CCDC38: variants seen among roughly 807,000 people sequenced by gnomAD.
CCDC38 encodes the protein coiled-coil domain containing 38.
In CCDC38, 69 loss-of-function variants were observed where a neutral mutation model predicts 72.8. The ratio of observed to expected loss-of-function variants is 0.95; its 90% confidence interval spans 0.78 to 1.16. CCDC38 has a LOEUF of 1.16. CCDC38 is among the 50% of genes most tolerant of loss of function. The probability of loss-of-function intolerance (pLI) is 0.00; values close to 1 mark genes in which losing one functional copy is unlikely to be tolerated. For missense variants in CCDC38, 626 were observed against 638.9 expected (o/e 0.98, Z 0.22); for synonymous variants, 201 against 213.2 (o/e 0.94, Z 0.50).
chr12:95,907,435 G>A (rs1472379711), intron 4 of CCDC38, among the ~76,000 whole-genome samples: 2 of 124,930 alleles, frequency 1.6e-5, no homozygotes, highest in African/African-American at 7.3e-5. Flanking sequence ...CGGACGGGGC[G>A]GCTGGCCGGG....
intron 7 of CCDC38, among the ~76,000 whole-genome samples, chr12:95,897,999 G>A (rs1048804354): frequency 1.3e-5 from 2 of 152,142 alleles, no homozygotes; most frequent in Admixed American, 1.3e-4. Flanking sequence ...TTTCAGAGAT[G>A]TTAAAATGTG....
At chr12:95,884,733 T>C (rs1407036246) in intron 10 of CCDC38, among the ~76,000 whole-genome samples, 2 of 152,238 alleles carry the variant, frequency 1.3e-5, no homozygotes, top group Non-Finnish European at 2.9e-5. Context: ...TCAATCTCTG[T>C]CTCTGTCATC....
At chr12:95,905,727 A>AT (rs1185044622) in intron 5 of CCDC38, among the ~76,000 whole-genome samples, 1 of 152,212 alleles carries the variant, frequency 6.6e-6, no homozygotes, top group Non-Finnish European at 1.5e-5. Context: ...CAATTCATTC[A>AT]TTTTGTAATT....
intron 2 of CCDC38, among the ~76,000 whole-genome samples, chr12:95,925,300 C>A (rs2080256466): frequency 6.6e-6 from 1 of 152,058 alleles, no homozygotes. Flanking sequence ...CTCTTTGAAG[C>A]AATTGTGAAT....
intron 14 of CCDC38, among the ~76,000 whole-genome samples, chr12:95,871,662 G>T (rs1458158593): frequency 3.1e-5 from 1 of 32,486 alleles, no homozygotes; most frequent in Non-Finnish European, 7.7e-5. Flanking sequence ...TCCTCATGAG[G>T]TTGTCTTGAG....
At chr12:95,929,760 T>C (rs2080317095) in intron 2 of CCDC38, among the ~76,000 whole-genome samples, 1 of 152,196 alleles carries the variant, frequency 6.6e-6, no homozygotes, top group Non-Finnish European at 1.5e-5. Context: ...CATAATAAGA[T>C]ATCACAAAAT....
chr12:95,931,970 G>C (rs1182286817), intron 2 of CCDC38, among the ~76,000 whole-genome samples: 1 of 152,132 alleles, frequency 6.6e-6, no homozygotes, highest in African/African-American at 2.4e-5. Context: ...ATCATCTCTT[G>C]TGTGTGTTCA....
At chr12:95,891,239 G>C (rs553614835) in intron 8 of CCDC38, among the ~76,000 whole-genome samples, 1 of 152,316 alleles carries the variant, frequency 6.6e-6, no homozygotes, top group East Asian at 1.9e-4. Flanking sequence ...TCCATCTGTC[G>C]TAACTCCTTA....
intron 2 of CCDC38, chr12:95,933,584 G>C (rs910426863): frequency 6.6e-6 from 1 of 152,178 alleles, no homozygotes; most frequent in African/African-American, 2.4e-5. Flanking sequence ...TTCTTGTAGA[G>C]TTATGATTGG....
At chr12:95,893,134 A>G (rs1233129159) in intron 8 of CCDC38, among the ~76,000 whole-genome samples, 1 of 152,212 alleles carries the variant, frequency 6.6e-6, no homozygotes, top group Non-Finnish European at 1.5e-5. Flanking sequence ...ATAATTCCAT[A>G]AAACTTATAC....
At chr12:95,902,891 G>T (rs998284154) in intron 5 of CCDC38, among the ~76,000 whole-genome samples, 1 of 152,056 alleles carries the variant, frequency 6.6e-6, no homozygotes, top group African/African-American at 2.4e-5. Context: ...AAAAAATTTA[G>T]AATCAGCCTT....
intron 10 of CCDC38, chr12:95,885,610 G>A (rs1012193563): frequency 6.4e-6 from 1 of 155,754 alleles, no homozygotes; most frequent in African/African-American, 2.4e-5. Flanking sequence ...GGTTTGCTTT[G>A]TAAAGAGGCT....
chr12:95,879,630 T>G lies in CCDC38; in HGVS notation c.1142+14A>C. 1.3e-6 allele frequency: 2 copies of G among 1,548,526 alleles called. No homozygotes were observed. The highest frequency in any genetic ancestry group is 8.8e-7 in the Non-Finnish European group (1 of 1,130,716). On this transcript the variant is annotated intron_variant, in intron 12 of 15. Coordinates refer to ENST00000344280, the MANE Select transcript of CCDC38 (RefSeq NM_182496.3). This position sits in a 1 kb window ranked among gnomAD's most constrained non-coding sequence, Gnocchi z 5.5. ...TGCTTAATGGAATAAATCTACTTGT[T>G]TATAATGACTTACGTTTTATCCTGT...
intron 2 of CCDC38, among the ~76,000 whole-genome samples, chr12:95,929,729 A>C (rs759435787): frequency 4.6e-5 from 7 of 152,246 alleles, no homozygotes; most frequent in Admixed American, 1.3e-4. Flanking sequence ...AACACCAAGT[A>C]TATTAGTTTC....
intron 10 of CCDC38, 59 bp from the exon 11 acceptor site, chr12:95,881,613 G>A: frequency 7.3e-7 from 1 of 1,368,224 alleles, no homozygotes; most frequent in East Asian, 2.4e-5. Flanking sequence ...CTGTCAACAG[G>A]TTTGCATTCC....
intron 5 of CCDC38, among the ~76,000 whole-genome samples, chr12:95,900,084 T>C (rs189691613): frequency 3.0e-4 from 46 of 152,182 alleles, no homozygotes; most frequent in African/African-American, 8.4e-4. Context: ...GTTTTTGCCA[T>C]TGAAATAGCA....
intron 2 of CCDC38, among the ~76,000 whole-genome samples, chr12:95,931,327 G>T (rs1049892049): frequency 6.6e-6 from 1 of 152,154 alleles, no homozygotes; most frequent in East Asian, 1.9e-4. Context: ...AGGACTCTTG[G>T]ATTATATTAG....
chr12:95,930,525 G>T lies in CCDC38; in HGVS notation c.37+5948C>A, dbSNP rs117315128. On this transcript the variant is annotated intron_variant, in intron 2 of 15. Transcript: ENST00000344280. The stretch of plus-strand genomic sequence containing the variant: ...GTCTGTATCGCAAATCTTCCTTTCT[G>T]TTCTCTTATAAGGACACTAGTAATT... Among the ~76,000 whole-genome samples the T allele has an allele frequency of 9.1e-4, 138 of 152,024 alleles. 2 individuals carry two copies. In the East Asian group the frequency reaches 0.024, roughly 26 times the overall value.
intron 7 of CCDC38, among the ~76,000 whole-genome samples, chr12:95,897,189 T>C (rs554767084): frequency 6.6e-6 from 1 of 152,134 alleles, no homozygotes; most frequent in South Asian, 2.1e-4. Context: ...AGAGGGGAGG[T>C]AAGCATCAAG....
Sources: allele counts gnomAD v4.1 joint callset (sites outside exome capture counted in the v4.1 genomes callset), GRCh38; gene constraint gnomAD v4.1.1; non-coding constraint Gnocchi (gnomAD v3.1); transcripts MANE v1.5; gene names NCBI Gene and HGNC (gene_info 2026-07-23, HGNC 2026-07-21).